The following SLC30A8 variants were observed in gnomAD, a reference collection of about 807,000 sequenced individuals.
SLC30A8 encodes proton-coupled zinc antiporter SLC30A8.
SLC30A8 carries 27 observed loss-of-function variants against 36.9 expected under a neutral mutation model. The observed-to-expected ratio is 0.73, with a 90% CI of 0.54 to 1.01. The LOEUF (loss-of-function observed/expected upper bound fraction) is 1.01, where lower values mean the gene tolerates loss of function less well. Ranked by LOEUF, SLC30A8 falls within the 50% of genes least tolerant of loss-of-function variation. The pLI, the probability that SLC30A8 is intolerant of heterozygous loss-of-function variation, is 0.00. For missense variants in SLC30A8, 439 were observed against 452.0 expected (o/e 0.97, Z 0.26); for synonymous variants, 164 against 172.4 (o/e 0.95, Z 0.38).
intron 1 of SLC30A8, among the ~76,000 whole-genome samples, chr8:117,033,611 A>G (rs1817122799): frequency 6.6e-6 from 1 of 152,232 alleles, no homozygotes; most frequent in African/African-American, 2.4e-5. Flanking sequence ...TGAAATGGTT[A>G]GTTTTATGTT....
intron 2 of SLC30A8, among the ~76,000 whole-genome samples, chr8:117,066,143 A>G (rs1327178842): frequency 6.6e-6 from 1 of 152,146 alleles, no homozygotes; most frequent in Non-Finnish European, 1.5e-5. Context: ...GGGAAAAACA[A>G]CAATGTGAAA....
At chr8:117,123,109 A>C (rs957202173) in intron 2 of SLC30A8, among the ~76,000 whole-genome samples, 13 of 151,954 alleles carry the variant, frequency 8.6e-5, no homozygotes, top group African/African-American at 3.1e-4. Flanking sequence ...GTCTCACCTT[A>C]GAGGGCAGAC....
At chr8:117,075,046 G>A (rs1818448790) in intron 2 of SLC30A8, among the ~76,000 whole-genome samples, 2 of 152,058 alleles carry the variant, frequency 1.3e-5, no homozygotes, top group East Asian at 3.9e-4. Flanking sequence ...GTTAATTCAT[G>A]CCTTTATGTA....
At chr8:117,101,213 C>T (rs564859919) in intron 2 of SLC30A8, among the ~76,000 whole-genome samples, 3 of 152,288 alleles carry the variant, frequency 2.0e-5, no homozygotes, top group East Asian at 1.9e-4. Context: ...TGTTGGAGAC[C>T]TCCCAGTAAA....
intron 1 of SLC30A8, among the ~76,000 whole-genome samples, chr8:117,141,002 TAAGTA>T (rs937703688): frequency 1.4e-4 from 21 of 152,194 alleles, no homozygotes; most frequent in African/African-American, 4.8e-4. Flanking sequence ...GAAAATCTGA[TAAGTA>T]AAGATATTGA....
chr8:117,018,852 G>T (rs755054404), intron 1 of SLC30A8, among the ~76,000 whole-genome samples: 1 of 152,046 alleles, frequency 6.6e-6, no homozygotes, highest in East Asian at 1.9e-4. Context: ...GTAGAGATGC[G>T]GTTTTTCACC....
chr8:116,963,787 A>G (rs906638604), intron 1 of SLC30A8, among the ~76,000 whole-genome samples: 2 of 152,230 alleles, frequency 1.3e-5, no homozygotes, highest in African/African-American at 4.8e-5. Context: ...GAGTGGAATT[A>G]CTAGGTCACA....
At chr8:117,156,864 G>A (rs1434620204) in intron 3 of SLC30A8, among the ~76,000 whole-genome samples, 1 of 152,216 alleles carries the variant, frequency 6.6e-6, no homozygotes, top group Non-Finnish European at 1.5e-5. Context: ...ACATTACTCT[G>A]CTTTAAAAGG....
intron 1 of SLC30A8, among the ~76,000 whole-genome samples, chr8:116,952,327 T>A (rs1814021387): frequency 6.6e-6 from 1 of 152,202 alleles, no homozygotes; most frequent in Non-Finnish European, 1.5e-5. Context: ...AAAATTTAAC[T>A]TTTATTATAG....
intron 1 of SLC30A8, among the ~76,000 whole-genome samples, chr8:116,963,954 C>A (rs1376862092): frequency 6.6e-6 from 1 of 152,182 alleles, no homozygotes; most frequent in Non-Finnish European, 1.5e-5. Context: ...AAAGATTGTT[C>A]TGAGGATTAA....
intron 1 of SLC30A8, among the ~76,000 whole-genome samples, chr8:116,957,890 C>G (rs960833768): frequency 1.3e-5 from 2 of 152,144 alleles, no homozygotes; most frequent in African/African-American, 4.8e-5. Flanking sequence ...CCTTCATGGT[C>G]TTTTTCTTAC....
At chr8:116,990,656 G>T (rs528424111) in intron 1 of SLC30A8, among the ~76,000 whole-genome samples, 1 of 152,100 alleles carries the variant, frequency 6.6e-6, no homozygotes, top group African/African-American at 2.4e-5. Context: ...AATGGAAAGA[G>T]AACATTTGTG....
At chr8:117,126,586 C>G (rs951324115) in intron 2 of SLC30A8, among the ~76,000 whole-genome samples, 1 of 144,530 alleles carries the variant, frequency 6.9e-6, no homozygotes, top group Admixed American at 6.8e-5. Flanking sequence ...ATCCATCCAT[C>G]CATTTATTGA....
At chr8:117,125,230 C>T (rs916400417) in intron 2 of SLC30A8, among the ~76,000 whole-genome samples, 1 of 151,902 alleles carries the variant, frequency 6.6e-6, no homozygotes, top group African/African-American at 2.4e-5. Context: ...TGAATCTAGT[C>T]TCCAAATTTG....
intron 2 of SLC30A8, among the ~76,000 whole-genome samples, chr8:117,127,169 ACCTAATT>A (rs1334261964): frequency 6.6e-6 from 1 of 152,010 alleles, no homozygotes; most frequent in Non-Finnish European, 1.5e-5. Context: ...AGCATCGCGT[ACCTAATT>A]GGTACGCGTT....
chr8:116,977,659 G>T (rs1447793745), intron 1 of SLC30A8, among the ~76,000 whole-genome samples: 1 of 151,706 alleles, frequency 6.6e-6, no homozygotes, highest in African/African-American at 2.4e-5. Context: ...CTACAGGCGT[G>T]TGTCACCACA....
chr8:117,045,497 C>A (rs185327689), intron 2 of SLC30A8, among the ~76,000 whole-genome samples: 9 of 152,304 alleles, frequency 5.9e-5, no homozygotes, highest in African/African-American at 2.2e-4. Context: ...GGGTTAATAT[C>A]ATTCCAGCCC....
At chr8:117,110,513 CTG>C (rs1477342612) in intron 2 of SLC30A8, among the ~76,000 whole-genome samples, 1 of 152,160 alleles carries the variant, frequency 6.6e-6, no homozygotes, top group Non-Finnish European at 1.5e-5. Flanking sequence ...TAGAGCAGGA[CTG>C]TGAAATGCTG....
chr8:117,020,030 A>G (rs1816650935), intron 1 of SLC30A8, among the ~76,000 whole-genome samples: 1 of 152,216 alleles, frequency 6.6e-6, no homozygotes, highest in East Asian at 1.9e-4. Flanking sequence ...GGCACAGCTG[A>G]GCACAGGATG....
Sources: gnomAD v4.1 joint callset for allele counts (sites outside exome capture counted in the v4.1 genomes callset) on GRCh38, gnomAD v4.1.1 for gene constraint, MANE v1.5 for transcripts, NCBI Gene and HGNC (gene_info 2026-07-23, HGNC 2026-07-21) for gene names.